Variants in CCAR1 observed in about 807,000 individuals in gnomAD.
CCAR1 encodes cell division cycle and apoptosis regulator 1.
A neutral mutation model predicts 163.8 loss-of-function variants in CCAR1; 78 were observed. The observed-to-expected ratio is 0.48, with a 90% CI of 0.40 to 0.57. The LOEUF is 0.57. Ranked by LOEUF, CCAR1 falls within the 20% of genes least tolerant of loss-of-function variation. The pLI, the probability that CCAR1 is intolerant of heterozygous loss-of-function variation, is 0.00. For missense variants in CCAR1, 1,019 were observed against 1,365.2 expected, an observed-to-expected ratio of 0.75 and a Z score of 4.00; for synonymous variants, 443 against 460.7, an observed-to-expected ratio of 0.96 and a Z score of 0.49.
chr10:68,764,917 T>G (rs1156964947), intron 16 of CCAR1, among the ~76,000 whole-genome samples: 2 of 152,194 alleles, frequency 1.3e-5, no homozygotes. Context: ...CTCACTCTCT[T>G]TTTTAAAACA....
At chr10:68,769,940 CAAAAAA>C (rs10527624) in intron 17 of CCAR1, among the ~76,000 whole-genome samples, 1 of 69,954 alleles carries the variant, frequency 1.4e-5, no homozygotes, top group African/African-American at 5.1e-5. Flanking sequence ...GACTCTGTCT[CAAAAAA>C]AAAAAAAAAA....
At chr10:68,744,351 G>A (rs534848464) in intron 6 of CCAR1, among the ~76,000 whole-genome samples, 2 of 152,076 alleles carry the variant, frequency 1.3e-5, no homozygotes, top group Non-Finnish European at 2.9e-5. Context: ...TTAGCTAAGC[G>A]CAGTGGCTTG....
intron 2 of CCAR1, among the ~76,000 whole-genome samples, chr10:68,734,162 G>A (rs1229752429): frequency 2.0e-5 from 3 of 151,916 alleles, no homozygotes; most frequent in African/African-American, 4.8e-5. Flanking sequence ...CAAGAGTAGG[G>A]TACCTGCCTT....
At chr10:68,763,243 T>TG (rs2056496312) in intron 16 of CCAR1, among the ~76,000 whole-genome samples, 1 of 152,122 alleles carries the variant, frequency 6.6e-6, no homozygotes, top group African/African-American at 2.4e-5. Flanking sequence ...CTCTGCCTCC[T>TG]GGGTTCAAGC....
At chr10:68,748,485 CTT>C (rs768641201) in intron 8 of CCAR1, among the ~76,000 whole-genome samples, 110 of 117,818 alleles carry the variant, frequency 9.3e-4, no homozygotes, top group Middle Eastern at 5.2e-3. Context: ...GTGACATGTT[CTT>C]TTTTTTTTTT....
At chr10:68,776,509 T>C (rs1440072199) in intron 19 of CCAR1, among the ~76,000 whole-genome samples, 1 of 152,086 alleles carries the variant, frequency 6.6e-6, no homozygotes, top group Admixed American at 6.6e-5. Flanking sequence ...GAGGTTGCGG[T>C]GAACCGAGAT....
chr10:68,724,526 G>A (rs1377391575), intron 2 of CCAR1, among the ~76,000 whole-genome samples: 2 of 152,022 alleles, frequency 1.3e-5, no homozygotes, highest in Non-Finnish European at 2.9e-5. Flanking sequence ...TTGGGCTCAC[G>A]CGATCCTCCC....
At chr10:68,736,027 A>G (rs977001944) in intron 2 of CCAR1, among the ~76,000 whole-genome samples, 1 of 151,542 alleles carries the variant, frequency 6.6e-6, no homozygotes, top group Non-Finnish European at 1.5e-5. Context: ...TAATTTTTGT[A>G]TTTTTAGTAG....
chr10:68,729,017 C>T (rs1045860283), intron 2 of CCAR1, among the ~76,000 whole-genome samples: 63 of 151,648 alleles, frequency 4.2e-4, no homozygotes, highest in African/African-American at 1.5e-3. Context: ...TGTGCTACAT[C>T]TGCTTTGTAT....
Position 68,756,309 on chromosome 10 carries a change from G to C in CCAR1, c.1662G>C (p.Glu554Asp), listed in dbSNP as rs2056396679. Residue 554 changes from glutamate to aspartate, a missense_variant, in exon 14 of 25, where the codon GAG (glutamate) becomes GAC (aspartate). Physicochemically the swap from Glu to Asp is conservative, Grantham distance 45. Transcript: ENST00000265872. The surrounding 1 kb of genome is among the most constrained non-coding windows in gnomAD (Gnocchi z 5.1). ...RFAEIRYHRP[E>D]ETHKGRTVPA... is the part of the protein sequence containing the mutation. ...CAGAGATTCGCTACCATCGCCCTGAGGAGACCCACAAGGGGCGTACAGTTC... is the reference window on the plus strand; with the variant it reads ...CAGAGATTCGCTACCATCGCCCTGACGAGACCCACAAGGGGCGTACAGTTC... 1 of 1,613,914 alleles carries C rather than the reference G, an allele frequency of 6.2e-7. No individual in the cohort carries two copies.
At chr10:68,737,654 C>T (rs2056129187) in intron 3 of CCAR1, among the ~76,000 whole-genome samples, 191 bp from the exon 4 acceptor site, 1 of 151,796 alleles carries the variant, frequency 6.6e-6, no homozygotes, top group South Asian at 2.1e-4. Flanking sequence ...TGAAGTTTCA[C>T]TGTTCCAGAA....
At chr10:68,745,594 G>A (rs1327869392) in intron 6 of CCAR1, among the ~76,000 whole-genome samples, 1 of 151,760 alleles carries the variant, frequency 6.6e-6, no homozygotes, top group Non-Finnish European at 1.5e-5. Context: ...CTCCTGAGTA[G>A]CTGGGATTAC....
Position 68,786,002 on chromosome 10 carries a change from G to T in CCAR1, c.2651-134G>T. The stretch of plus-strand genomic sequence containing the variant: ...CTGTCACCCAGACTGGAGTGCAGTG[G>T]TATAGTCATAGCTCACTACACCCTC... On this transcript the variant is annotated intron_variant, in intron 19 of 24. Coordinates refer to ENST00000265872, the MANE Select transcript of CCAR1 (RefSeq NM_018237.4). 6.5e-6 allele frequency: 4 copies of T among 617,262 alleles called. No homozygotes were observed. The Middle Eastern group carries it at 1.3e-3, about 195-fold the overall frequency. The allele number at this position is 617,262 out of a possible 1,614,324, so 38.2% of individuals were successfully genotyped here.
chr10:68,782,035 A>AG (rs1205539285), intron 19 of CCAR1, among the ~76,000 whole-genome samples: 40 of 152,278 alleles, frequency 2.6e-4, no homozygotes, highest in African/African-American at 8.4e-4. Context: ...AAGGAAACTC[A>AG]AAGTGCTACT....
chr10:68,724,634 A>G (rs1050307242), intron 2 of CCAR1, among the ~76,000 whole-genome samples: 7 of 152,074 alleles, frequency 4.6e-5, no homozygotes, highest in African/African-American at 1.7e-4. Context: ...AAAAAAAAAA[A>G]TCACCTGGAC....
intron 17 of CCAR1, among the ~76,000 whole-genome samples, chr10:68,767,897 ACTTTTAT>A (rs1474652341): frequency 3.3e-5 from 5 of 152,206 alleles, no homozygotes; most frequent in Non-Finnish European, 5.9e-5. Context: ...ACAATTGAAA[ACTTTTAT>A]CTTTAAGTGT....
chr10:68,779,811 G>T (rs1302573773), intron 19 of CCAR1, among the ~76,000 whole-genome samples: 2 of 152,138 alleles, frequency 1.3e-5, no homozygotes, highest in African/African-American at 4.8e-5. Flanking sequence ...TTATTAAATT[G>T]TACTTTGGTA....
In CCAR1 at chr10:68,761,196, T is replaced by C. The variant is rs767389307; in HGVS notation, c.2106+4T>C. 3.8e-6 allele frequency: 6 copies of C among 1,570,200 alleles called. No homozygotes were observed. The Admixed American group carries it at 9.3e-5, about 24-fold the overall frequency. On this transcript the variant is annotated splice_donor_region_variant and intron_variant, in intron 16 of 24. Transcript: ENST00000265872. ...GAAATCTGAAGACGATAAAGAGGTA[T>C]GTACTCAATCTATTATTATACTCTA...
intron 19 of CCAR1, among the ~76,000 whole-genome samples, chr10:68,779,327 G>A (rs1158133631): frequency 1.3e-5 from 2 of 151,244 alleles, no homozygotes; most frequent in Non-Finnish European, 2.9e-5. Context: ...GCGTGATCTC[G>A]GCTCACTACA....
Sources: gnomAD v4.1 joint callset for allele counts (sites outside exome capture counted in the v4.1 genomes callset) on GRCh38, gnomAD v4.1.1 for gene constraint, Gnocchi (gnomAD v3.1) non-coding constraint, MANE v1.5 for transcripts, NCBI Gene and HGNC (gene_info 2026-07-23, HGNC 2026-07-21) for gene names.